SCGN: variants seen among roughly 807,000 people sequenced by gnomAD.
SCGN encodes secretagogin, EF-hand calcium binding protein, also known as secretagogin.
A neutral mutation model predicts 39.7 loss-of-function variants in SCGN; 30 were observed. That is an observed-to-expected ratio of 0.76 (90% confidence interval 0.57 to 1.03). SCGN has a LOEUF of 1.03. Ranked by LOEUF, SCGN falls within the 50% of genes least tolerant of loss-of-function variation. SCGN has a pLI of 0.00. For synonymous variants in SCGN, 106 were observed against 114.1 expected (o/e 0.93, Z 0.45); for missense variants, 353 against 349.4 (o/e 1.01, Z -0.08).
intron 4 of SCGN, among the ~76,000 whole-genome samples, chr6:25,667,468 C>A (rs1355305721): frequency 5.9e-5 from 9 of 152,134 alleles, no homozygotes; most frequent in Non-Finnish European, 1.3e-4. Flanking sequence ...TTCCCCTGAA[C>A]CACAGGGTCT....
chr6:25,655,303 T>C lies in SCGN; in HGVS notation c.153+1851T>C, dbSNP rs539277588. Among the ~76,000 whole-genome samples the C allele has an allele frequency of 3.2e-4, 49 of 152,340 alleles. No homozygotes were observed. The East Asian group carries it at 9.3e-3, about 29-fold the overall frequency. ...GAAAAATTGCTGTCACTGTTGAAGC[T>C]GGAGTATCTAATATTCATTCATCGA... On this transcript the variant is annotated intron_variant, in intron 2 of 10. Transcript: ENST00000377961.
intron 10 of SCGN, among the ~76,000 whole-genome samples, chr6:25,700,673 CTT>C (rs1468336238): frequency 6.6e-6 from 1 of 152,180 alleles, no homozygotes; most frequent in Non-Finnish European, 1.5e-5. Context: ...AAGTAAAAAA[CTT>C]TTCCTAGCTA....
chr6:25,659,458 G>A (rs1374266334), intron 2 of SCGN, among the ~76,000 whole-genome samples: 1 of 152,176 alleles, frequency 6.6e-6, no homozygotes. Flanking sequence ...GTATTCAGCT[G>A]CATCACCCTT....
At chr6:25,661,147 G>A (rs562207175) in intron 2 of SCGN, among the ~76,000 whole-genome samples, 1 of 152,240 alleles carries the variant, frequency 6.6e-6, no homozygotes, top group South Asian at 2.1e-4. Flanking sequence ...GACACCTGGG[G>A]GCCCAGAAGA....
chr6:25,652,590 C>A, intron 1 of SCGN, 105 bp downstream of exon 1: 1 of 1,064,750 alleles, frequency 9.4e-7, no homozygotes, highest in African/African-American at 1.6e-5. Flanking sequence ...AAGTTATCGA[C>A]CTGGGTTGTT....
chr6:25,698,867 T>C (rs1236046894), intron 10 of SCGN, among the ~76,000 whole-genome samples: 1 of 152,178 alleles, frequency 6.6e-6, no homozygotes, highest in Non-Finnish European at 1.5e-5. Flanking sequence ...GCCATCTGGC[T>C]CCCAATTTCT....
chr6:25,694,066 T>C (rs540439519), intron 10 of SCGN, among the ~76,000 whole-genome samples: 1 of 152,330 alleles, frequency 6.6e-6, no homozygotes, highest in East Asian at 1.9e-4. Flanking sequence ...ACTCAAAAAA[T>C]ACTAGCTATA....
intron 5 of SCGN, among the ~76,000 whole-genome samples, 153 bp from the exon 6 acceptor site, chr6:25,669,846 G>T (rs1759466862): frequency 6.6e-6 from 1 of 152,094 alleles, no homozygotes; most frequent in Admixed American, 6.5e-5. Context: ...TATAAACAGT[G>T]ACAGCCCTCC....
chr6:25,669,370 A>G, intron 4 of SCGN, 141 bp from the exon 5 acceptor site: 1 of 704,654 alleles, frequency 1.4e-6, no homozygotes, highest in East Asian at 2.7e-5. Flanking sequence ...TGCTCTCACC[A>G]AAGAAAGCCT....
At chr6:25,658,814 A>T (rs1449037590) in intron 2 of SCGN, among the ~76,000 whole-genome samples, 2 of 152,230 alleles carry the variant, frequency 1.3e-5, no homozygotes, top group Non-Finnish European at 2.9e-5. Context: ...CAAGTGAAAA[A>T]AAAGGAAGTA....
intron 7 of SCGN, among the ~76,000 whole-genome samples, chr6:25,683,727 G>T (rs565884332): frequency 2.6e-5 from 4 of 152,174 alleles, no homozygotes; most frequent in Non-Finnish European, 5.9e-5. Flanking sequence ...CTCAGATGCC[G>T]ACTGATACAA....
At chr6:25,676,284 A>G (rs1759561884) in intron 6 of SCGN, among the ~76,000 whole-genome samples, 1 of 152,218 alleles carries the variant, frequency 6.6e-6, no homozygotes, top group South Asian at 2.1e-4. Context: ...CACAGCAGCC[A>G]GAGTGATCCT....
chr6:25,662,198 T>TA (rs1760349944), intron 3 of SCGN, among the ~76,000 whole-genome samples: 1 of 152,174 alleles, frequency 6.6e-6, no homozygotes, highest in Admixed American at 6.5e-5. Flanking sequence ...GTCTACAACT[T>TA]ACCTGATCAT....
At chr6:25,661,028 GT>G (rs1760326102) in intron 2 of SCGN, among the ~76,000 whole-genome samples, 1 of 152,118 alleles carries the variant, frequency 6.6e-6, no homozygotes, top group Admixed American at 6.5e-5. Flanking sequence ...AACATCTTTG[GT>G]TAACTCGGCA....
chr6:25,669,741 G>T (rs1759465059), intron 5 of SCGN, among the ~76,000 whole-genome samples, 174 bp downstream of exon 5: 1 of 152,062 alleles, frequency 6.6e-6, no homozygotes, highest in Non-Finnish European at 1.5e-5. Context: ...TTTAGAAAGT[G>T]CAAGTCACAT....
chr6:25,693,153 T>G (rs1237274877), intron 10 of SCGN, among the ~76,000 whole-genome samples: 1 of 152,164 alleles, frequency 6.6e-6, no homozygotes, highest in Non-Finnish European at 1.5e-5. Flanking sequence ...GTCTTTATTA[T>G]TTTATTAGAA....
At chr6:25,668,882 C>A (rs1336907518) in intron 4 of SCGN, among the ~76,000 whole-genome samples, 4 of 152,106 alleles carry the variant, frequency 2.6e-5, no homozygotes, top group Non-Finnish European at 4.4e-5. Context: ...GAGGCCGAGG[C>A]GGGCGGATCA....
intron 1 of SCGN, 30 bp downstream of exon 1, chr6:25,652,515 G>A: frequency 5.0e-6 from 8 of 1,602,280 alleles, no homozygotes; most frequent in Non-Finnish European, 6.8e-6. Flanking sequence ...TGCACACTCA[G>A]GTGTAGACGT....
At chr6:25,665,099 C>G in intron 4 of SCGN, 67 bp downstream of exon 4, 2 of 1,205,338 alleles carry the variant, frequency 1.7e-6, no homozygotes, top group South Asian at 1.3e-5. Context: ...TAGCCACCTG[C>G]TGTGGCTGCC....
Sources: gnomAD v4.1 joint callset for allele counts (sites outside exome capture counted in the v4.1 genomes callset) on GRCh38, gnomAD v4.1.1 for gene constraint, MANE v1.5 for transcripts, NCBI Gene and HGNC (gene_info 2026-07-23, HGNC 2026-07-21) for gene names.